The following ATRNL1 variants were observed in gnomAD, a reference collection of about 807,000 sequenced individuals.
ATRNL1 encodes the protein attractin like 1, also known as attractin-like protein 1.
A neutral mutation model predicts 182.7 loss-of-function variants in ATRNL1; 95 were observed. The ratio of observed to expected loss-of-function variants is 0.52; its 90% CI spans 0.44 to 0.62. The LOEUF (loss-of-function observed/expected upper bound fraction) is 0.62, where lower values mean the gene tolerates loss of function less well. Among genes scored for constraint, ATRNL1 ranks in the 20% least tolerant of loss-of-function variants. The pLI, the probability that ATRNL1 is intolerant of heterozygous loss-of-function variation, is 0.00. For synonymous variants in ATRNL1, 576 were observed against 568.3 expected (o/e 1.01, Z -0.19); for missense variants, 1,471 against 1,679.5 (o/e 0.88, Z 2.17).
At chr10:115,157,666 T>G (rs1286477514) in intron 5 of ATRNL1, among the ~76,000 whole-genome samples, 1 of 152,126 alleles carries the variant, frequency 6.6e-6, no homozygotes, top group Non-Finnish European at 1.5e-5. Flanking sequence ...AGGACACCTG[T>G]AATTATATTT....
At chr10:115,352,554 G>T (rs1856308254) in intron 19 of ATRNL1, among the ~76,000 whole-genome samples, 1 of 152,012 alleles carries the variant, frequency 6.6e-6, no homozygotes, top group African/African-American at 2.4e-5. Context: ...TCCTTCAGCA[G>T]CGTATTGTTT....
intron 27 of ATRNL1, among the ~76,000 whole-genome samples, chr10:115,729,399 G>A (rs574982461): frequency 2.6e-5 from 4 of 151,720 alleles, no homozygotes; most frequent in African/African-American, 9.7e-5. Context: ...GGAAAAAACT[G>A]TTAGCTTTTT....
At chr10:115,573,464 G>T (rs1191652410) in intron 26 of ATRNL1, among the ~76,000 whole-genome samples, 2 of 151,942 alleles carry the variant, frequency 1.3e-5, no homozygotes, top group East Asian at 3.9e-4. Flanking sequence ...CATGGCTGGG[G>T]GTAGGATAGG....
At chr10:115,750,578 C>T (rs1555070404) in intron 27 of ATRNL1, among the ~76,000 whole-genome samples, 1 of 151,286 alleles carries the variant, frequency 6.6e-6, no homozygotes, top group East Asian at 1.9e-4. Context: ...GATTCTAAAT[C>T]CAGAAGCAAT....
intron 27 of ATRNL1, among the ~76,000 whole-genome samples, chr10:115,759,540 A>G (rs962592429): frequency 6.6e-5 from 10 of 150,706 alleles, no homozygotes; most frequent in Non-Finnish European, 1.3e-4. Context: ...AAAAGTGAGA[A>G]TTAGTGAGAT....
chr10:115,555,487 G>C (rs1853261631), intron 26 of ATRNL1, among the ~76,000 whole-genome samples: 1 of 151,780 alleles, frequency 6.6e-6, no homozygotes, highest in Admixed American at 6.6e-5. Flanking sequence ...TGTTCTTACA[G>C]TGGGATATTA....
chr10:115,260,045 C>G (rs1308416569), intron 10 of ATRNL1, among the ~76,000 whole-genome samples: 1 of 152,170 alleles, frequency 6.6e-6, no homozygotes, highest in Non-Finnish European at 1.5e-5. Flanking sequence ...AAAGCTGTCA[C>G]TTCCTACCGC....
intron 25 of ATRNL1, among the ~76,000 whole-genome samples, chr10:115,542,152 A>G (rs559111406): frequency 3.3e-5 from 5 of 152,080 alleles, no homozygotes; most frequent in Non-Finnish European, 7.4e-5. Flanking sequence ...ATTAGATATT[A>G]GTCTTTCTAA....
At chr10:115,111,372 C>T (rs142326300) in intron 1 of ATRNL1, among the ~76,000 whole-genome samples, 16 of 152,214 alleles carry the variant, frequency 1.1e-4, no homozygotes, top group Non-Finnish European at 1.5e-4. Context: ...GAATACTTGA[C>T]GCTGGATAAT....
At chr10:115,728,594 C>T (rs1947689355) in intron 27 of ATRNL1, among the ~76,000 whole-genome samples, 1 of 151,952 alleles carries the variant, frequency 6.6e-6, no homozygotes, top group African/African-American at 2.4e-5. Context: ...CCTAGGTATA[C>T]ATATAATAGA....
At chr10:115,441,199 G>A (rs1254466424) in intron 21 of ATRNL1, among the ~76,000 whole-genome samples, 1 of 151,706 alleles carries the variant, frequency 6.6e-6, no homozygotes, top group Admixed American at 6.6e-5. Flanking sequence ...AGACTCTACT[G>A]GACCAATTTC....
intron 18 of ATRNL1, 60 bp from the exon 19 acceptor site, chr10:115,334,222 A>C: frequency 9.2e-7 from 1 of 1,091,420 alleles, no homozygotes; most frequent in Non-Finnish European, 1.2e-6. Context: ...CTTTGTTTTG[A>C]TAGCTATTAT....
At chr10:115,863,411 C>T (rs1433317523) in intron 28 of ATRNL1, among the ~76,000 whole-genome samples, 1 of 152,132 alleles carries the variant, frequency 6.6e-6, no homozygotes, top group East Asian at 1.9e-4. Context: ...ATATTTGTTT[C>T]TTCTACAAAC....
At chr10:115,904,923 G>T (rs1306300115) in intron 28 of ATRNL1, among the ~76,000 whole-genome samples, 7 of 152,100 alleles carry the variant, frequency 4.6e-5, no homozygotes, top group Non-Finnish European at 1.0e-4. Context: ...CCAGGTACTG[G>T]GGTTATTGAT....
chr10:115,100,161 G>T (rs1219820621), intron 1 of ATRNL1, among the ~76,000 whole-genome samples: 1 of 152,076 alleles, frequency 6.6e-6, no homozygotes, highest in African/African-American at 2.4e-5. Context: ...GGTCGTGGCG[G>T]TGTGCGCATT....
At chr10:115,656,783 C>T (rs1593019093) in intron 26 of ATRNL1, among the ~76,000 whole-genome samples, 1 of 152,082 alleles carries the variant, frequency 6.6e-6, no homozygotes, top group Non-Finnish European at 1.5e-5. Flanking sequence ...AGGAGGTTCT[C>T]CTTATAATTT....
At chr10:115,304,459 C>G (rs115467445) in intron 17 of ATRNL1, among the ~76,000 whole-genome samples, 2,815 of 152,088 alleles carry the variant, frequency 0.019, 105 homozygotes, top group African/African-American at 0.065. Context: ...TACGGACACA[C>G]GTGGAGTGGT....
intron 8 of ATRNL1, among the ~76,000 whole-genome samples, chr10:115,192,300 A>G (rs1468153769): frequency 6.6e-6 from 1 of 152,102 alleles, no homozygotes; most frequent in African/African-American, 2.4e-5. Context: ...GTCTAGTTTC[A>G]TTCTTCTGCC....
At chr10:115,648,556 A>C (rs1593005830) in intron 26 of ATRNL1, among the ~76,000 whole-genome samples, 1 of 152,314 alleles carries the variant, frequency 6.6e-6, no homozygotes, top group East Asian at 1.9e-4. Context: ...TTCAAACTGT[A>C]CTACAAGGCT....
Sources: allele counts gnomAD v4.1 joint callset (sites outside exome capture counted in the v4.1 genomes callset), GRCh38; gene constraint gnomAD v4.1.1; transcripts MANE v1.5; gene names NCBI Gene and HGNC (gene_info 2026-07-23, HGNC 2026-07-21).